Variants in C10orf90 observed in about 807,000 individuals in gnomAD.
The protein encoded by C10orf90 is (E2-independent) E3 ubiquitin-conjugating enzyme FATS.
A neutral mutation model predicts 62.5 loss-of-function variants in C10orf90; 56 were observed. The observed-to-expected ratio is 0.90, with a 90% CI of 0.72 to 1.12. C10orf90 has a LOEUF of 1.12. C10orf90 is among the 50% of genes most tolerant of loss of function. C10orf90 has a pLI of 0.00. For missense variants in C10orf90, 970 were observed against 880.4 expected (o/e 1.10, Z -1.29); for synonymous variants, 386 against 340.4 (o/e 1.13, Z -1.47).
chr10:126,658,484 C>T (rs571683698), intron 1 of C10orf90, among the ~76,000 whole-genome samples: 162 of 152,238 alleles, frequency 1.1e-3, no homozygotes, highest in African/African-American at 2.6e-3. Context: ...TACATATATG[C>T]GTCTATAAGC....
intron 7 of C10orf90, among the ~76,000 whole-genome samples, chr10:126,455,736 T>C (rs1411836215): frequency 6.6e-6 from 1 of 152,200 alleles, no homozygotes; most frequent in African/African-American, 2.4e-5. Flanking sequence ...TCCTGGTCCC[T>C]CTAGAGTTCC....
At chr10:126,507,366 A>AG (rs1406839971) in intron 3 of C10orf90, among the ~76,000 whole-genome samples, 1 of 151,620 alleles carries the variant, frequency 6.6e-6, no homozygotes, top group Admixed American at 6.6e-5. Context: ...CAAAAAAAAA[A>AG]AAAAAAAAAA....
At chr10:126,469,278 A>C (rs1860444790) in intron 4 of C10orf90, among the ~76,000 whole-genome samples, 1 of 152,220 alleles carries the variant, frequency 6.6e-6, no homozygotes, top group Middle Eastern at 3.2e-3. Context: ...TCTGGTATTG[A>C]AGATGAAACT....
intron 2 of C10orf90, among the ~76,000 whole-genome samples, chr10:126,584,780 T>C (rs1399375042): frequency 6.6e-6 from 1 of 152,144 alleles, no homozygotes; most frequent in Non-Finnish European, 1.5e-5. Context: ...ATAGTATTAG[T>C]TTTTAAGAAT....
At chr10:126,449,455 C>T (rs1440252134) in intron 7 of C10orf90, among the ~76,000 whole-genome samples, 1 of 152,122 alleles carries the variant, frequency 6.6e-6, no homozygotes, top group Non-Finnish European at 1.5e-5. Context: ...AAGTTGAAAG[C>T]TTTTCCTCTA....
intron 8 of C10orf90, 100 bp from the exon 9 acceptor site, chr10:126,426,190 A>C (rs1190795035): frequency 1.9e-5 from 18 of 963,310 alleles, no homozygotes; most frequent in Non-Finnish European, 2.8e-5. Context: ...CATTTCAAAG[A>C]GAAGATCGCT....
intron 2 of C10orf90, among the ~76,000 whole-genome samples, chr10:126,558,575 A>C (rs1864829190): frequency 6.6e-6 from 1 of 152,142 alleles, no homozygotes; most frequent in Non-Finnish European, 1.5e-5. Flanking sequence ...CGGGTCCTTC[A>C]AGACACAGCT....
chr10:126,429,986 T>A, intron 7 of C10orf90, 136 bp from the exon 8 acceptor site: 1 of 739,948 alleles, frequency 1.4e-6, no homozygotes, highest in Non-Finnish European at 2.3e-6. Context: ...CAGAACTCAG[T>A]AGAGACTGAT....
intron 2 of C10orf90, among the ~76,000 whole-genome samples, chr10:126,540,196 G>C (rs987438865): frequency 5.3e-5 from 8 of 152,176 alleles, no homozygotes; most frequent in Non-Finnish European, 1.2e-4. Flanking sequence ...TAAAATTATA[G>C]TGGAGGAAAT....
At chr10:126,532,735 G>A (rs1368886990) in intron 2 of C10orf90, among the ~76,000 whole-genome samples, 1 of 148,352 alleles carries the variant, frequency 6.7e-6, no homozygotes, top group Non-Finnish European at 1.5e-5. Context: ...TACTCCGGAG[G>A]GTGAGGCAGG....
chr10:126,553,001 T>C (rs1325236318), intron 2 of C10orf90, among the ~76,000 whole-genome samples: 1 of 152,148 alleles, frequency 6.6e-6, no homozygotes, highest in Non-Finnish European at 1.5e-5. Context: ...CTTCCCATCA[T>C]AAACACAAAT....
chr10:126,476,475 A>G (rs1860875380), intron 4 of C10orf90, among the ~76,000 whole-genome samples: 1 of 152,240 alleles, frequency 6.6e-6, no homozygotes, highest in Non-Finnish European at 1.5e-5. Flanking sequence ...AGCCCGCGTC[A>G]GTGCAGGCCA....
At chr10:126,476,268 T>C (rs1026842236) in intron 4 of C10orf90, among the ~76,000 whole-genome samples, 1 of 152,216 alleles carries the variant, frequency 6.6e-6, no homozygotes, top group Non-Finnish European at 1.5e-5. Flanking sequence ...TCTCAGACAC[T>C]TTTTGCAAAC....
intron 2 of C10orf90, among the ~76,000 whole-genome samples, chr10:126,626,581 C>A (rs963292871): frequency 2.6e-5 from 4 of 152,218 alleles, no homozygotes; most frequent in African/African-American, 7.2e-5. Context: ...CTTAAGGAAG[C>A]ATTACTGCAT....
At chr10:126,507,928 C>T (rs1862854693) in intron 3 of C10orf90, among the ~76,000 whole-genome samples, 1 of 151,992 alleles carries the variant, frequency 6.6e-6, no homozygotes, top group Admixed American at 6.6e-5. Flanking sequence ...ACTTGGTACA[C>T]ATTCCCTCCC....
intron 2 of C10orf90, among the ~76,000 whole-genome samples, chr10:126,547,030 G>A (rs536770268): frequency 6.6e-6 from 1 of 151,950 alleles, no homozygotes; most frequent in East Asian, 1.9e-4. Context: ...GGAGGCTGAG[G>A]CACAGGAGGT....
chr10:126,546,663 C>G lies in C10orf90; in HGVS notation c.314-32724G>C, dbSNP rs76115119. On this transcript the variant is annotated intron_variant, in intron 2 of 9. Transcript: ENST00000488181. ...CCCAGCAGCAATGAGGATTTCCCCC[C>G]TCTTGGGTGTCAACTGAAGCCTAGT... Among the ~76,000 whole-genome samples the G allele has an allele frequency of 2.0e-5, 3 of 152,214 alleles. No homozygotes were observed. In the East Asian group the frequency reaches 5.8e-4, roughly 29 times the overall value.
chr10:126,507,262 C>G (rs911418990), intron 3 of C10orf90, among the ~76,000 whole-genome samples: 1 of 147,694 alleles, frequency 6.8e-6, no homozygotes, highest in Non-Finnish European at 1.5e-5. Context: ...GAGGCTGAGG[C>G]AGGAGAATGG....
chr10:126,538,970 G>A (rs1864310951), intron 2 of C10orf90, among the ~76,000 whole-genome samples: 3 of 152,216 alleles, frequency 2.0e-5, no homozygotes, highest in Admixed American at 2.0e-4. Context: ...CCAGGAACTG[G>A]TCCTTGGCTG....
Sources: allele counts gnomAD v4.1 joint callset (sites outside exome capture counted in the v4.1 genomes callset), GRCh38; gene constraint gnomAD v4.1.1; transcripts MANE v1.5; gene names NCBI Gene and HGNC (gene_info 2026-07-23, HGNC 2026-07-21).